FBXL14: variants seen among roughly 807,000 people sequenced by gnomAD.
FBXL14 encodes F-box and leucine rich repeat protein 14.
In FBXL14, 11 loss-of-function variants were observed where a neutral mutation model predicts 24.5. The observed-to-expected ratio is 0.45, with a 90% CI of 0.28 to 0.74. The LOEUF (loss-of-function observed/expected upper bound fraction) is 0.74, where lower values mean the gene tolerates loss of function less well. FBXL14 is among the 30% of genes least tolerant of loss of function. FBXL14 has a pLI of 0.12. For synonymous variants in FBXL14, 294 were observed against 240.4 expected (o/e 1.22, Z -2.06); for missense variants, 384 against 545.6 (o/e 0.70, Z 2.95).
intron 1 of FBXL14, among the ~76,000 whole-genome samples, chr12:1,574,465 G>A (rs12366371): frequency 0.046 from 619 of 13,600 alleles, 18 homozygotes; most frequent in Middle Eastern, 0.17. Flanking sequence ...AGCCGTGTGG[G>A]TGGAGGCTGG....
At position 1,568,817 on chromosome 12, in the gene FBXL14, C is replaced by G. The variant is rs192001085; in HGVS notation, c.1195-2007G>C. ...TGGAGGTTGCAGTGAGCCGAGATCA[C>G]GCCATTGCCCTCCAGCCTGGGTGAC... is the stretch of plus-strand genomic sequence containing the variant. On this transcript the variant is annotated intron_variant, in intron 1 of 1. Transcript: ENST00000339235. 2.6e-5 allele frequency among the ~76,000 whole-genome samples: 4 copies of G among 152,130 alleles called. No homozygotes were observed. The South Asian group carries it at 6.2e-4, about 24-fold the overall frequency.
chr12:1,580,311 C>T (rs1182135962), intron 1 of FBXL14, among the ~76,000 whole-genome samples: 1 of 152,228 alleles, frequency 6.6e-6, no homozygotes, highest in East Asian at 1.9e-4. Flanking sequence ...TCTCCACACT[C>T]AGGATCCCGT....
chr12:1,581,633 G>A (rs546290570), intron 1 of FBXL14, among the ~76,000 whole-genome samples: 4 of 152,236 alleles, frequency 2.6e-5, no homozygotes, highest in South Asian at 4.1e-4. Context: ...TGGTCCTGAC[G>A]GCTGTGAGCA....
chr12:1,593,589 C>G lies in FBXL14; in HGVS notation c.478G>C (p.Gly160Arg). The change falls in exon 1 of 2, where the codon GGC becomes CGC. Residue 160 changes from glycine (G) to arginine (R), a missense_variant. Physicochemically the swap from Gly to Arg is moderately radical, Grantham distance 125. Transcript: ENST00000339235. This position sits in a 1 kb window ranked among gnomAD's most constrained non-coding sequence, Gnocchi z 7.4. ...AGACCCCAGGCGATGAGCAGAAGGC[C>G]AGTGTTGGTGATGTTGCTGCAACCT... ...LGGCSNITNT[G>R]LLLIAWGLQR... 1 of 1,614,148 alleles carries G rather than the reference C, an allele frequency of 6.2e-7. No individual in the cohort carries two copies. The highest frequency in any genetic ancestry group is 1.1e-5 in the South Asian group (1 of 91,090).
chr12:1,586,955 T>C (rs893793492), intron 1 of FBXL14, among the ~76,000 whole-genome samples: 4 of 152,206 alleles, frequency 2.6e-5, no homozygotes, highest in Non-Finnish European at 5.9e-5. Context: ...ACAACTAAAG[T>C]GGCCGGGCGC....
At chr12:1,586,373 AAAT>A (rs998615447) in intron 1 of FBXL14, among the ~76,000 whole-genome samples, 20 of 152,056 alleles carry the variant, frequency 1.3e-4, no homozygotes, top group African/African-American at 4.6e-4. Context: ...AAAAGACAAA[AAAT>A]AATAATTTTT....
intron 1 of FBXL14, among the ~76,000 whole-genome samples, chr12:1,580,370 C>T (rs2094463877): frequency 6.6e-6 from 1 of 152,200 alleles, no homozygotes; most frequent in African/African-American, 2.4e-5. Flanking sequence ...AGAAAAGGAC[C>T]TGCATATTGC....
In FBXL14 at chr12:1,593,705, G is replaced by A. The variant is rs377115030; in HGVS notation, c.362C>T (p.Ala121Val). The A allele has an allele frequency of 1.2e-6, 2 of 1,614,050 alleles. No individual in the cohort carries two copies. Among genetic ancestry groups the A allele is most frequent in the East Asian group, 2.2e-5 (1 of 44,894 alleles). Residue 121 changes from alanine (A) to valine (V), a missense_variant, in exon 1 of 2, where the codon GCT (alanine) becomes GTT (valine). Transcript: ENST00000339235. The surrounding 1 kb of genome is among the most constrained non-coding windows in gnomAD (Gnocchi z 7.4). ...AFVQEIGSLR[A>V]LNLSLCKQIT... ...CTGCTTGCAGAGGCTCAGGTTGAGA[G>A]CGCGCAGGGAGCCGATCTCCTGCAC...
At chr12:1,575,771 C>G (rs576048008) in intron 1 of FBXL14, among the ~76,000 whole-genome samples, 96 of 152,106 alleles carry the variant, frequency 6.3e-4, no homozygotes, top group Admixed American at 1.5e-3. Flanking sequence ...TGTGTGCAAT[C>G]ATGTTTGAGG....
chr12:1,573,929 T>C (rs564426405), intron 1 of FBXL14, among the ~76,000 whole-genome samples: 173 of 151,452 alleles, frequency 1.1e-3, no homozygotes, highest in Non-Finnish European at 1.7e-3. Flanking sequence ...CGCTTGAACC[T>C]GGGAGGTGGA....
At chr12:1,573,788 T>C (rs2094449727) in intron 1 of FBXL14, among the ~76,000 whole-genome samples, 1 of 152,330 alleles carries the variant, frequency 6.6e-6, no homozygotes, top group African/African-American at 2.4e-5. Flanking sequence ...GCGGATCACC[T>C]GAGGTCAAGA....
chr12:1,566,019 T>C lies in FBXL14; in HGVS notation c.*729A>G, dbSNP rs562184682. The C allele has an allele frequency of 5.2e-5, 8 of 152,716 alleles. No homozygotes were observed. Among genetic ancestry groups the C allele is most frequent in the Admixed American group, 2.0e-4 (3 of 15,306 alleles). 9.5% of individuals were successfully genotyped at this position (152,716 alleles called of 1,614,324 possible). On this transcript the variant is annotated 3_prime_UTR_variant, in exon 2 of 2. Transcript: ENST00000339235. ...GGAATCTATAAAGGGAAGACAGATA[T>C]ATTCTACATTGTTCCCATTAAAATG...
intron 1 of FBXL14, among the ~76,000 whole-genome samples, chr12:1,571,760 G>T (rs993279204): frequency 6.6e-6 from 1 of 152,192 alleles, no homozygotes; most frequent in Non-Finnish European, 1.5e-5. Flanking sequence ...CCCATTTGAA[G>T]TCACTACTAA....
chr12:1,567,075 A>G lies in FBXL14; in HGVS notation c.1195-265T>C, dbSNP rs1172330066. ...TCTGAGGCCTGATTGTAGACTATAG[A>G]GTAGACCTTCCCACCGCACACTCAC... On this transcript the variant is annotated intron_variant, in intron 1 of 1. Transcript: ENST00000339235. The surrounding 1 kb of genome is among the most constrained non-coding windows in gnomAD (Gnocchi z 4.8). Among the ~76,000 whole-genome samples, 1 of 152,074 alleles carries G rather than the reference A, an allele frequency of 6.6e-6. No homozygotes were observed. Among genetic ancestry groups the G allele is most frequent in the Admixed American group, 6.6e-5 (1 of 15,260 alleles).
At chr12:1,577,971 C>A (rs2094459129) in intron 1 of FBXL14, among the ~76,000 whole-genome samples, 1 of 152,200 alleles carries the variant, frequency 6.6e-6, no homozygotes, top group Non-Finnish European at 1.5e-5. Flanking sequence ...CCTAGCGTGG[C>A]TGGGAGAAGC....
intron 1 of FBXL14, among the ~76,000 whole-genome samples, chr12:1,591,675 A>G (rs1169661134): frequency 2.0e-5 from 3 of 152,206 alleles, no homozygotes; most frequent in Non-Finnish European, 4.4e-5. Flanking sequence ...TAGAAACGGA[A>G]TTTTTTAAAA....
chr12:1,594,387 G>A lies in FBXL14; in HGVS notation c.-321C>T, dbSNP rs2094497358. 6.9e-6 allele frequency among the ~76,000 whole-genome samples: 1 copy of A among 145,508 alleles called. No homozygotes were observed. The highest frequency in any genetic ancestry group is 2.5e-5 in the African/African-American group (1 of 40,570). On this transcript the variant is annotated 5_prime_UTR_variant, in exon 1 of 2. Transcript: ENST00000339235. ...GAGGCCGGCCGCCGCCGCCGCCTCGGCTCTACCCACGCCGCGCCCGGGCCG... is the reference window on the plus strand; with the variant it reads ...GAGGCCGGCCGCCGCCGCCGCCTCGACTCTACCCACGCCGCGCCCGGGCCG...
intron 1 of FBXL14, among the ~76,000 whole-genome samples, chr12:1,570,089 G>A (rs2094442864): frequency 6.6e-6 from 1 of 152,192 alleles, no homozygotes. Flanking sequence ...GCCCAGCTTT[G>A]TCTAGTGCGG....
intron 1 of FBXL14, among the ~76,000 whole-genome samples, chr12:1,592,190 G>GTATATATATATATATATATAATT (rs576737463): frequency 7.2e-5 from 10 of 139,074 alleles, no homozygotes; most frequent in African/African-American, 2.6e-4. Context: ...ACATATATAT[G>GTATATATATATATATATATAATT]TATATATATA....
Sources: gnomAD v4.1 joint callset for allele counts (sites outside exome capture counted in the v4.1 genomes callset) on GRCh38, gnomAD v4.1.1 for gene constraint, Gnocchi (gnomAD v3.1) non-coding constraint, MANE v1.5 for transcripts, NCBI Gene and HGNC (gene_info 2026-07-23, HGNC 2026-07-21) for gene names.